MCM8: variants seen among roughly 807,000 people sequenced by gnomAD.
MCM8 encodes the protein DNA helicase MCM8.
A neutral mutation model predicts 98.9 loss-of-function variants in MCM8; 85 were observed. The ratio of observed to expected loss-of-function variants is 0.86; its 90% CI spans 0.72 to 1.03. The LOEUF is 1.03. Among genes scored for constraint, MCM8 ranks in the 50% least tolerant of loss-of-function variants. MCM8 has a pLI of 0.00. For synonymous variants in MCM8, 352 were observed against 338.6 expected (o/e 1.04, Z -0.44); for missense variants, 951 against 997.8 (o/e 0.95, Z 0.63).
rs1410185285 is a variant in MCM8 at position 5,998,620 on chromosome 20, C to T, written c.*4229C>T. The T allele has an allele frequency of 2.0e-5, 3 of 152,184 alleles. No individual in the cohort carries two copies. Among genetic ancestry groups the T allele is most frequent in the African/African-American group, 7.2e-5 (3 of 41,442 alleles). 9.4% of individuals were successfully genotyped at this position (152,184 alleles called of 1,614,324 possible). A position where few individuals can be genotyped will look rare whatever the true frequency, so the allele number is the denominator to read the frequency against. On this transcript the variant is annotated 3_prime_UTR_variant, in exon 19 of 19. Transcript: ENST00000610722. ...ACCCAGTATGGAACCCACTCCTAGC[C>T]CTTGTGACAATATTGCAAGCATCCA...
chr20:5,983,098 A>G lies in MCM8; in HGVS notation c.1666A>G (p.Ile556Val). The change falls in exon 14 of 19, where the codon ATT becomes GTT. Residue 556 changes from isoleucine (I) to valine (V), a missense_variant. Transcript: ENST00000610722. ...VVCSLPARTS[I>V]IAAANPVGGH... ...TTGTAGCCTTCCTGCAAGAACTTCC[A>G]TTATTGCTGCTGCAAATCCAGTTGG... The G allele has an allele frequency of 6.2e-7, 1 of 1,614,182 alleles. No homozygotes were observed. The highest frequency in any genetic ancestry group is 8.5e-7 in the Non-Finnish European group (1 of 1,180,020).
chr20:5,972,912 A>G (rs1365826244), intron 11 of MCM8, 144 bp from the exon 12 acceptor site: 7 of 1,330,252 alleles, frequency 5.3e-6, no homozygotes, highest in Non-Finnish European at 7.0e-6. Context: ...GTTTGTTTTT[A>G]GACTTCCTTT....
At chr20:5,958,394 T>G in intron 6 of MCM8, 134 bp from the exon 7 acceptor site, 1 of 703,886 alleles carries the variant, frequency 1.4e-6, no homozygotes, top group Non-Finnish European at 2.4e-6. Flanking sequence ...ACAAGAATGG[T>G]TTAATTCTTG....
chr20:5,993,246 A>G (rs539684232), intron 17 of MCM8, among the ~76,000 whole-genome samples: 1 of 152,260 alleles, frequency 6.6e-6, no homozygotes, highest in African/African-American at 2.4e-5. Context: ...ATTGTAGTTT[A>G]TCAATTTTGT....
At chr20:5,969,703 C>A (rs1427493481) in intron 10 of MCM8, among the ~76,000 whole-genome samples, 4 of 151,910 alleles carry the variant, frequency 2.6e-5, no homozygotes, top group African/African-American at 7.3e-5. Context: ...AATTAGCTGA[C>A]TGAGTAAAGA....
At chr20:5,978,898 T>G (rs1258133217) in intron 13 of MCM8, among the ~76,000 whole-genome samples, 1 of 152,202 alleles carries the variant, frequency 6.6e-6, no homozygotes, top group East Asian at 1.9e-4. Context: ...GTATTGTAAC[T>G]GAACTCATTG....
chr20:5,981,261 G>A (rs1328038424), intron 13 of MCM8, among the ~76,000 whole-genome samples: 6 of 152,174 alleles, frequency 3.9e-5, no homozygotes, highest in African/African-American at 1.4e-4. Context: ...AGAGGTATAG[G>A]CAGACGGAGC....
rs566708115 is a variant in MCM8, at chr20:5,980,858, C to T, written c.1538-2112C>T. Among the ~76,000 whole-genome samples, 375 of 136,050 alleles carry T rather than the reference C, an allele frequency of 2.8e-3. 2 individuals carry two copies. Among genetic ancestry groups the T allele is most frequent in the African/African-American group, 0.01 (357 of 35,012 alleles). The allele number at this position is 136,050 out of a possible 152,430, so 89.3% of individuals were successfully genotyped here. A position where few individuals can be genotyped will look rare whatever the true frequency, so the allele number is the denominator to read the frequency against. ...CTGTACTCCAGCCTGGGTAACAGAA[C>T]GAAACTCTGTCTCTCAAAAAAAAAA... On this transcript the variant is annotated intron_variant, in intron 13 of 18. Coordinates refer to ENST00000610722, the MANE Select transcript of MCM8 (RefSeq NM_032485.6).
intron 10 of MCM8, among the ~76,000 whole-genome samples, chr20:5,969,152 C>G (rs2089344159): frequency 6.6e-6 from 1 of 152,184 alleles, no homozygotes; most frequent in African/African-American, 2.4e-5. Context: ...CTTAACATAA[C>G]TACTGCAACA....
intron 12 of MCM8, among the ~76,000 whole-genome samples, chr20:5,975,441 C>T (rs1224186051): frequency 1.3e-5 from 2 of 151,168 alleles, no homozygotes; most frequent in African/African-American, 4.9e-5. Context: ...CTTATCTGTA[C>T]AAATCTCATA....
At chr20:5,952,721 A>G (rs781467512) in intron 3 of MCM8, among the ~76,000 whole-genome samples, 193 bp downstream of exon 3, 18 of 152,240 alleles carry the variant, frequency 1.2e-4, no homozygotes, top group Non-Finnish European at 2.4e-4. Flanking sequence ...AGCAGAAACC[A>G]TACTAGGTAT....
chr20:5,973,388 T>C (rs899103687), intron 12 of MCM8, among the ~76,000 whole-genome samples, 192 bp downstream of exon 12: 1 of 152,230 alleles, frequency 6.6e-6, no homozygotes, highest in Non-Finnish European at 1.5e-5. Context: ...CAGTCTCCTG[T>C]TACAGAGGCT....
rs2089726840 is a variant in MCM8 at position 5,986,011 on chromosome 20, A to G, written c.2043A>G (p.Leu681=). The G allele has an allele frequency of 1.9e-6, 3 of 1,614,216 alleles. No homozygotes were observed. The highest frequency in any genetic ancestry group is 2.2e-5 in the East Asian group (1 of 44,894). Residue 681 remains leucine, a synonymous_variant, in exon 16 of 19, where the codon CTA becomes CTG. Coordinates refer to ENST00000610722, the MANE Select transcript of MCM8 (RefSeq NM_032485.6). ...CTCGGCAGTATGTGTACCCAAGGCT[A>G]TCCACAGAAGCTGCTCGAGTTCTTC... ...GYARQYVYPR[L]STEAARVLQD...
intron 12 of MCM8, among the ~76,000 whole-genome samples, chr20:5,974,061 T>G (rs16991619): frequency 0.018 from 2,724 of 152,312 alleles, 81 homozygotes; most frequent in African/African-American, 0.063. Context: ...TATGATGGCT[T>G]TAGAAGGTGC....
chr20:5,979,522 TCA>T (rs1198776105), intron 13 of MCM8, among the ~76,000 whole-genome samples: 4 of 152,252 alleles, frequency 2.6e-5, no homozygotes, highest in Admixed American at 2.6e-4. Flanking sequence ...AAATCTATTT[TCA>T]CAGTCTTCCT....
intron 17 of MCM8, among the ~76,000 whole-genome samples, chr20:5,992,811 AT>A (rs1294622919): frequency 6.6e-6 from 1 of 152,204 alleles, no homozygotes; most frequent in East Asian, 1.9e-4. Flanking sequence ...TCCTGATTAA[AT>A]AACAGTTTTG....
intron 18 of MCM8, 94 bp downstream of exon 18, chr20:5,993,789 C>T (rs2089901443): frequency 3.9e-6 from 4 of 1,017,062 alleles, no homozygotes; most frequent in Non-Finnish European, 5.6e-6. Context: ...ATTTAAAATT[C>T]ATACCTGCTT....
rs1265204816 is a variant in MCM8 at position 5,995,431 on chromosome 20, C to T, written c.*1040C>T. ...GAAGAAGCTGCTGACACTCCACTGC[C>T]ACACAGGGCACTGGAAGAAAGTGCT... On this transcript the variant is annotated 3_prime_UTR_variant, in exon 19 of 19. Coordinates refer to ENST00000610722, the MANE Select transcript of MCM8 (RefSeq NM_032485.6). 1.3e-5 allele frequency: 2 copies of T among 152,232 alleles called. No homozygotes were observed. Among genetic ancestry groups the T allele is most frequent in the African/African-American group, 2.4e-5 (1 of 41,428 alleles). 9.4% of individuals were successfully genotyped at this position (152,232 alleles called of 1,614,324 possible).
chr20:5,954,616 G>C lies in MCM8; in HGVS notation c.262G>C (p.Asp88His), dbSNP rs189649618. 1.2e-5 allele frequency: 20 copies of C among 1,603,558 alleles called. No homozygotes were observed. Among genetic ancestry groups the C allele is most frequent in the African/African-American group, 2.7e-5 (2 of 74,796 alleles). ...WKLYFSEVYS[D>H]SSPLIEKIQA... is the part of the protein sequence containing the mutation. Reference sequence around the variant, plus strand: ...CATATTTGTTGGATTAGTTTACAGCGATAGCTCTCCTTTGATTGAGAAGAT... The same window carrying C: ...CATATTTGTTGGATTAGTTTACAGCCATAGCTCTCCTTTGATTGAGAAGAT... The change falls in exon 4 of 19, where the codon GAT becomes CAT. Residue 88 changes from aspartate (D) to histidine (H), a missense_variant. Asp to His is a moderately conservative substitution (Grantham distance 81). Transcript: ENST00000610722.
Sources: gnomAD v4.1 joint callset for allele counts (sites outside exome capture counted in the v4.1 genomes callset) on GRCh38, gnomAD v4.1.1 for gene constraint, MANE v1.5 for transcripts, NCBI Gene and HGNC (gene_info 2026-07-23, HGNC 2026-07-21) for gene names.